ERAP1: variants seen among roughly 807,000 people sequenced by gnomAD.
ERAP1 encodes the protein adipocyte-derived leucine aminopeptidase.
Under a neutral mutation model 103.7 loss-of-function variants are expected in ERAP1, and 86 were observed. That is an observed-to-expected ratio of 0.83 (90% CI 0.70 to 0.99). ERAP1 has a LOEUF of 0.99. ERAP1 is among the 50% of genes least tolerant of loss of function. ERAP1 has a pLI of 0.00. For missense variants in ERAP1, 1,009 were observed against 1,128.4 expected (o/e 0.89, Z 1.52); for synonymous variants, 398 against 402.4 (o/e 0.99, Z 0.13).
the ERAP1 span, among the ~76,000 whole-genome samples, chr5:96,903,779 T>C: frequency 1.3e-5 from 2 of 152,204 alleles, no homozygotes; most frequent in African/African-American, 2.4e-5. Flanking sequence ...TGGAGAACTT[T>C]ACCTAAAAAT....
the ERAP1 span, chr5:96,814,245 T>C: frequency 2.2e-6 from 1 of 456,218 alleles, no homozygotes; most frequent in South Asian, 1.5e-5. Flanking sequence ...TGGAGGCTGC[T>C]CTCAGATATG....
At chr5:96,809,518 TTA>T (rs1358486758), upstream of ERAP1, among the ~76,000 whole-genome samples, 1 of 152,188 alleles carries the variant, frequency 6.6e-6, no homozygotes, top group Admixed American at 6.5e-5. Flanking sequence ...TTTTTCAATA[TTA>T]TGTTTCCTTT....
At chr5:96,843,057 G>A in the ERAP1 span, among the ~76,000 whole-genome samples, 444 of 152,224 alleles carry the variant, frequency 2.9e-3, 8 homozygotes, top group African/African-American at 9.3e-3. Context: ...AGGGTGTTCA[G>A]GTTCTTGGCA....
Position 96,807,915 on chromosome 5 carries a change from G to T in ERAP1, c.-73C>A. 1.0e-6 allele frequency: 1 copy of T among 986,336 alleles called. No homozygotes were observed. The highest frequency in any genetic ancestry group is 1.2e-6 in the Non-Finnish European group (1 of 830,666). The allele number at this position is 986,336 out of a possible 1,614,324, so 61.1% of individuals were successfully genotyped here. On this transcript the variant is annotated 5_prime_UTR_variant, in exon 1 of 19. Transcript: ENST00000443439. ...GCCGCCGCCACCACCACTGCCGCCG[G>T]CCTAGCTCCCCCAGGACCGAAAGTG...
At chr5:96,866,672 T>G in the ERAP1 span, among the ~76,000 whole-genome samples, 2 of 152,140 alleles carry the variant, frequency 1.3e-5, no homozygotes, top group African/African-American at 4.8e-5. Context: ...ACAAGGCACC[T>G]TCTAGGAGAG....
chr5:96,920,285 A>ACAGAG, the ERAP1 span, among the ~76,000 whole-genome samples: 1 of 150,072 alleles, frequency 6.7e-6, no homozygotes. Flanking sequence ...AGCCTGGGTG[A>ACAGAG]CAGAGCTAGA....
chr5:96,800,344 C>T (rs1375677921), intron 3 of ERAP1, among the ~76,000 whole-genome samples: 1 of 152,182 alleles, frequency 6.6e-6, no homozygotes, highest in African/African-American at 2.4e-5. Flanking sequence ...TCATGACTTA[C>T]CTTCAGCACC....
At chr5:96,909,082 A>G in the ERAP1 span, 1 of 1,614,148 alleles carries the variant, frequency 6.2e-7, no homozygotes. Flanking sequence ...CATGATGGAC[A>G]GAAGGAATAT....
the ERAP1 span, chr5:96,913,540 C>G: frequency 1.4e-6 from 2 of 1,473,430 alleles, no homozygotes; most frequent in Non-Finnish European, 1.9e-6. Flanking sequence ...AAATGTTTCT[C>G]AAAGCATATA....
At chr5:96,891,920 G>A in the ERAP1 span, among the ~76,000 whole-genome samples, 9 of 152,100 alleles carry the variant, frequency 5.9e-5, no homozygotes, top group South Asian at 4.1e-4. Context: ...AAACATATTA[G>A]AAATTATTTG....
chr5:96,852,875 T>A, the ERAP1 span, among the ~76,000 whole-genome samples: 4 of 152,192 alleles, frequency 2.6e-5, no homozygotes, highest in Non-Finnish European at 4.4e-5. Context: ...CTGCACATGC[T>A]ACAGGAATTT....
the ERAP1 span, among the ~76,000 whole-genome samples, chr5:96,925,947 C>T: frequency 1.4e-5 from 2 of 142,990 alleles, no homozygotes; most frequent in Admixed American, 1.4e-4. Flanking sequence ...CGGAGTCTCG[C>T]TCTGTCGCCC....
intron 18 of ERAP1, chr5:96,779,239 A>G (rs936200406): frequency 3.9e-5 from 6 of 152,200 alleles, no homozygotes; most frequent in African/African-American, 1.4e-4. Context: ...ACAGCCCCAT[A>G]ACCTAAAACC....
chr5:96,845,820 C>A, the ERAP1 span, among the ~76,000 whole-genome samples: 1 of 152,110 alleles, frequency 6.6e-6, no homozygotes, highest in Non-Finnish European at 1.5e-5. Flanking sequence ...TCTATACACA[C>A]CTTCACATGC....
chr5:96,873,558 T>C, the ERAP1 span: 2 of 449,930 alleles, frequency 4.4e-6, no homozygotes, highest in East Asian at 7.0e-5. Context: ...GAGTGTTCCA[T>C]AGACACTCTA....
rs753098393 is a variant in ERAP1 at position 96,781,776 on chromosome 5, T to C, written c.2364A>G (p.Lys788=). The C allele has an allele frequency of 3.1e-6, 5 of 1,614,002 alleles. No individual in the cohort carries two copies. The highest frequency in any genetic ancestry group is 3.3e-5 in the Admixed American group (2 of 59,996). The change falls in exon 16 of 19, where the codon AAA becomes AAG. Residue 788 remains lysine, a synonymous_variant. Transcript: ENST00000443439. ...CAGTACTGGACAAAGAAAACTGATA[T>C]TTACTATAAAGAAAATCCCAGCCTT... is the stretch of plus-strand genomic sequence containing the variant. The part of the protein sequence containing the change: ...STEGWDFLYS[K]YQFSLSSTEK...
At chr5:96,766,170 C>A in intron 19 of ERAP1, 1 of 1,245,296 alleles carries the variant, frequency 8.0e-7, no homozygotes, top group Non-Finnish European at 1.2e-6. Context: ...ATTGCTAGAT[C>A]GGATTTATGC....
At chr5:96,831,395 G>A in the ERAP1 span, among the ~76,000 whole-genome samples, 2 of 152,286 alleles carry the variant, frequency 1.3e-5, no homozygotes, top group Admixed American at 6.5e-5. Flanking sequence ...AGTTGGTGGG[G>A]ATGCACATCC....
the ERAP1 span, among the ~76,000 whole-genome samples, chr5:96,866,644 A>C: frequency 6.6e-6 from 1 of 152,158 alleles, no homozygotes; most frequent in Non-Finnish European, 1.5e-5. Context: ...TACAGCCACA[A>C]GAAACTTGGG....
Sources: gnomAD v4.1 joint callset for allele counts (sites outside exome capture counted in the v4.1 genomes callset) on GRCh38, gnomAD v4.1.1 for gene constraint, MANE v1.5 for transcripts, NCBI Gene and HGNC (gene_info 2026-07-23, HGNC 2026-07-21) for gene names.